Variants in LRP2 observed in about 807,000 individuals in gnomAD.
LRP2 encodes LDL receptor related protein 2, also known as low-density lipoprotein receptor-related protein 2.
A neutral mutation model predicts 531.0 loss-of-function variants in LRP2; 172 were observed. That is an observed-to-expected ratio of 0.32 (90% CI 0.29 to 0.37). LRP2 has a LOEUF of 0.37. LRP2 is among the 10% of genes least tolerant of loss of function. The probability of loss-of-function intolerance (pLI) is 1.00; values close to 1 mark genes in which losing one functional copy is unlikely to be tolerated. For missense variants in LRP2, 5,167 were observed against 5,868.3 expected (o/e 0.88, Z 3.90); for synonymous variants, 1,992 against 2,027.6 (o/e 0.98, Z 0.47).
At chr2:169,213,989 G>T (rs1179718098) in intron 35 of LRP2, 119 bp from the exon 36 acceptor site, 6 of 733,188 alleles carry the variant, frequency 8.2e-6, no homozygotes, top group African/African-American at 3.5e-5. Flanking sequence ...ATCCCTTACA[G>T]AGATTTTTCA....
At chr2:169,327,712 G>A (rs1685130138) in intron 1 of LRP2, among the ~76,000 whole-genome samples, 1 of 123,670 alleles carries the variant, frequency 8.1e-6, no homozygotes, top group African/African-American at 3.1e-5. Context: ...GAGGTGGGGG[G>A]ATCAGCACCC....
At chr2:169,289,683 T>C (rs985519741) in intron 8 of LRP2, among the ~76,000 whole-genome samples, 1 of 152,178 alleles carries the variant, frequency 6.6e-6, no homozygotes, top group Admixed American at 6.5e-5. Flanking sequence ...TGTGTCTACA[T>C]AGTAAAAAGG....
chr2:169,360,302 G>A (rs1277022256), intron 1 of LRP2, among the ~76,000 whole-genome samples: 1 of 152,126 alleles, frequency 6.6e-6, no homozygotes, highest in Non-Finnish European at 1.5e-5. Flanking sequence ...GTAAAACAGT[G>A]ATAATAAGAG....
intron 1 of LRP2, among the ~76,000 whole-genome samples, chr2:169,350,829 G>T (rs1338106241): frequency 2.7e-5 from 4 of 150,744 alleles, no homozygotes; most frequent in Non-Finnish European, 4.4e-5. Context: ...CTCTTTGGTT[G>T]TGCCTATTTT....
intron 1 of LRP2, among the ~76,000 whole-genome samples, chr2:169,362,118 C>G (rs1050164295): frequency 4.6e-5 from 7 of 152,256 alleles, no homozygotes; most frequent in Non-Finnish European, 8.8e-5. Flanking sequence ...AAGTTTGCTG[C>G]CGCTCAGTTC....
chr2:169,196,431 C>A (rs1196042867), intron 46 of LRP2, among the ~76,000 whole-genome samples: 1 of 152,198 alleles, frequency 6.6e-6, no homozygotes, highest in Non-Finnish European at 1.5e-5. Context: ...CCCAGGAATA[C>A]AACCAAAGGC....
intron 70 of LRP2, 129 bp downstream of exon 70, chr2:169,145,618 A>G (rs1266577588): frequency 1.0e-4 from 90 of 890,008 alleles, no homozygotes; most frequent in Non-Finnish European, 1.5e-4. Flanking sequence ...GTACATACAC[A>G]TATACCCCTT....
At chr2:169,159,143 A>G (rs1006025194) in intron 63 of LRP2, among the ~76,000 whole-genome samples, 5 of 152,200 alleles carry the variant, frequency 3.3e-5, no homozygotes, top group Admixed American at 3.3e-4. Context: ...TGGGGGAAAG[A>G]GAGGCAGTGG....
At chr2:169,187,862 G>A (rs527808062) in intron 49 of LRP2, 108 bp downstream of exon 49, 1 of 1,199,570 alleles carries the variant, frequency 8.3e-7, no homozygotes, top group African/African-American at 1.5e-5. Flanking sequence ...GTGATTTTAT[G>A]GTAACTTTGT....
chr2:169,198,620 T>C (rs1688082814), intron 45 of LRP2, among the ~76,000 whole-genome samples, 166 bp downstream of exon 45: 1 of 152,188 alleles, frequency 6.6e-6, no homozygotes. Flanking sequence ...GAGTTTCTCA[T>C]ACCCCTGCAA....
In LRP2 at chr2:169,194,029, C is replaced by T. The variant is rs114120325; in HGVS notation, c.8699-137G>A. On this transcript the variant is annotated intron_variant, in intron 46 of 78. Transcript: ENST00000649046. ...TTAATTATATACATCTAGGGTAGTC[C>T]TCCAATAAGACTAGTACCAGCGACC... The T allele has an allele frequency of 2.5e-3, 2,317 of 924,556 alleles. 37 individuals carry two copies. In the African/African-American group the frequency reaches 0.033, roughly 13 times the overall value. 57.3% of individuals were successfully genotyped at this position (924,556 alleles called of 1,614,324 possible).
At chr2:169,254,654 A>AAAAAAAAAAAAAAAAAAAG (rs1559041081) in intron 19 of LRP2, among the ~76,000 whole-genome samples, 2 of 142,772 alleles carry the variant, frequency 1.4e-5, no homozygotes, top group Non-Finnish European at 3.1e-5. Flanking sequence ...AAAAAAAAAA[A>AAAAAAAAAAAAAAAAAAAG]AAAACAGCAA....
chr2:169,131,475 G>T (rs1335250823), intron 77 of LRP2, among the ~76,000 whole-genome samples: 1 of 152,112 alleles, frequency 6.6e-6, no homozygotes, highest in East Asian at 1.9e-4. Context: ...TGAAATTTGA[G>T]AAATAAAGAT....
intron 65 of LRP2, 131 bp downstream of exon 65, chr2:169,156,143 C>T: frequency 8.2e-7 from 1 of 1,212,514 alleles, no homozygotes. Flanking sequence ...GGAAGAGAAG[C>T]AGCTGGCGAG....
At position 169,182,221 on chromosome 2, in the gene LRP2, T is replaced by C. The variant is rs772442505; in HGVS notation, c.9944A>G (p.Asn3315Ser). 17 of 1,614,058 alleles carry C rather than the reference T, an allele frequency of 1.1e-5. No individual in the cohort carries two copies. In the East Asian group the frequency reaches 1.8e-4, roughly 17 times the overall value. The change falls in exon 51 of 79, where the codon AAC becomes AGC. Residue 3315 changes from asparagine (N) to serine (S), a missense_variant. Transcript: ENST00000649046. ...GGGATTATCAAAGCAGAAGGTGTTG[T>C]TGGCATCCACACAGTGCTGGGCCAG... ...RMLAQHCVDA[N>S]NTFCFDNPRG...
intron 4 of LRP2, among the ~76,000 whole-genome samples, chr2:169,301,592 G>A (rs768521771): frequency 2.3e-4 from 35 of 152,144 alleles, no homozygotes; most frequent in Non-Finnish European, 4.1e-4. Context: ...ATATAAAGAT[G>A]AAGCAGATAA....
chr2:169,216,455 T>G (rs374009035), intron 34 of LRP2, 25 bp from the exon 35 acceptor site: 6 of 1,611,842 alleles, frequency 3.7e-6, no homozygotes, highest in African/African-American at 1.3e-5. Context: ...AACACCAGCA[T>G]GTAACAAAAC....
chr2:169,152,800 T>C lies in LRP2; in HGVS notation c.12460A>G (p.Arg4154Gly), dbSNP rs749920702. The change falls in exon 67 of 79, where the codon AGG (arginine) becomes GGG (glycine). Residue 4154 changes from arginine to glycine, a missense_variant and splice_region_variant. Physicochemically the swap from Arg to Gly is moderately radical, Grantham distance 125. Coordinates refer to ENST00000649046, the MANE Select transcript of LRP2 (RefSeq NM_004525.3). ...GGGGGGAATGTATGGCAAATTTACC[T>C]TCCAACCCAGTCCACTGCTATTCCA... The part of the protein sequence containing the change: ...PDGIAVDWVG[R>G]HIYWSDVKNK... 2 of 1,613,962 alleles carry C rather than the reference T, an allele frequency of 1.2e-6. No homozygotes were observed. The highest frequency in any genetic ancestry group is 1.7e-6 in the Non-Finnish European group (2 of 1,179,866).
chr2:169,340,480 T>C (rs10930352), intron 1 of LRP2, among the ~76,000 whole-genome samples: 32,989 of 152,060 alleles, frequency 0.22, 3,745 homozygotes, highest in African/African-American at 0.28. Flanking sequence ...TAGGACTAAG[T>C]CTTAATCGAT....
Sources: allele counts gnomAD v4.1 joint callset (sites outside exome capture counted in the v4.1 genomes callset), GRCh38; gene constraint gnomAD v4.1.1; transcripts MANE v1.5; gene names NCBI Gene and HGNC (gene_info 2026-07-23, HGNC 2026-07-21).